The following ALK variants were observed in gnomAD, a reference collection of about 807,000 sequenced individuals.
ALK encodes the protein ALK tyrosine kinase receptor.
ALK carries 74 observed loss-of-function variants against 163.1 expected under a neutral mutation model. That is an observed-to-expected ratio of 0.45 (90% CI 0.38 to 0.55). ALK has a LOEUF of 0.55. Ranked by LOEUF, ALK falls within the 20% of genes least tolerant of loss-of-function variation. The pLI is 0.00. For missense variants in ALK, 2,063 were observed against 2,105.3 expected (o/e 0.98, Z 0.39); for synonymous variants, 960 against 843.2 (o/e 1.14, Z -2.40).
chr2:29,815,533 GT>G, intron 1 of ALK, among the ~76,000 whole-genome samples: 1 of 152,294 alleles, frequency 6.6e-6, no homozygotes, highest in African/African-American at 2.4e-5. Flanking sequence ...GGAAGGAGAA[GT>G]TCTTGTTTGG....
At chr2:29,197,828 TA>T (rs2148144032) in intron 26 of ALK, 152 bp from the exon 27 acceptor site, 1 of 722,598 alleles carries the variant, frequency 1.4e-6, no homozygotes, top group Non-Finnish European at 2.4e-6. Flanking sequence ...TAGAAAAATT[TA>T]AAAAATAAGA....
chr2:29,677,711 T>A (rs1198761221), intron 3 of ALK, among the ~76,000 whole-genome samples: 1 of 152,076 alleles, frequency 6.6e-6, no homozygotes, highest in Non-Finnish European at 1.5e-5. Context: ...TTTGCACCCA[T>A]CTTTTATGAG....
At chr2:29,493,876 C>G (rs1157305766) in intron 4 of ALK, among the ~76,000 whole-genome samples, 1 of 152,224 alleles carries the variant, frequency 6.6e-6, no homozygotes, top group South Asian at 2.1e-4. Context: ...AAGGCCAGGA[C>G]TGTCAGGATG....
intron 12 of ALK, among the ~76,000 whole-genome samples, chr2:29,247,454 G>A (rs1664709524): frequency 6.6e-6 from 1 of 152,244 alleles, no homozygotes; most frequent in South Asian, 2.1e-4. Flanking sequence ...GGCAGGGAAG[G>A]CAGGACATGG....
At chr2:29,517,479 G>T (rs944619428) in intron 4 of ALK, among the ~76,000 whole-genome samples, 24 of 152,118 alleles carry the variant, frequency 1.6e-4, no homozygotes, top group African/African-American at 5.6e-4. Context: ...CTATGAGGAC[G>T]TCCAGATTTC....
chr2:29,459,438 G>A (rs1197188179), intron 4 of ALK, among the ~76,000 whole-genome samples: 1 of 152,142 alleles, frequency 6.6e-6, no homozygotes, highest in Non-Finnish European at 1.5e-5. Context: ...CAGAGGTTGG[G>A]CTGGAGATTC....
chr2:29,225,370 G>T, intron 19 of ALK, 91 bp downstream of exon 19: 1 of 1,189,540 alleles, frequency 8.4e-7, no homozygotes, highest in Non-Finnish European at 1.2e-6. Flanking sequence ...GCATAACGAA[G>T]TGACACCTTG....
intron 22 of ALK, chr2:29,221,086 G>C: frequency 1.6e-6 from 1 of 624,134 alleles, no homozygotes; most frequent in Non-Finnish European, 3.1e-6. Context: ...TGAGGATGTT[G>C]CTCAGGCACT....
At chr2:29,540,905 G>A (rs549677299) in intron 3 of ALK, among the ~76,000 whole-genome samples, 15 of 152,014 alleles carry the variant, frequency 9.9e-5, no homozygotes, top group Admixed American at 6.6e-5. Flanking sequence ...CACAAAGTTC[G>A]TTTAAACACC....
intron 5 of ALK, among the ~76,000 whole-genome samples, chr2:29,360,237 C>A (rs916362887): frequency 1.3e-5 from 2 of 152,204 alleles, no homozygotes; most frequent in Admixed American, 6.5e-5. Flanking sequence ...GCACAGTTGG[C>A]CTTCCCAGTC....
At chr2:29,341,673 C>T in intron 5 of ALK, among the ~76,000 whole-genome samples, 1 of 152,226 alleles carries the variant, frequency 6.6e-6, no homozygotes, top group Non-Finnish European at 1.5e-5. Context: ...GCAAAACAGA[C>T]TCCAACCTAG....
intron 1 of ALK, among the ~76,000 whole-genome samples, chr2:29,780,929 G>T (rs2148350448): frequency 6.6e-6 from 1 of 152,320 alleles, no homozygotes; most frequent in Middle Eastern, 3.4e-3. Context: ...GAAAAGGTCA[G>T]GTAGGAATGG....
Position 29,222,421 on chromosome 2 carries a change from G to A in ALK, c.3451-13C>T, listed in dbSNP as rs1325483295. The A allele has an allele frequency of 6.2e-7, 1 of 1,613,966 alleles. No homozygotes were observed. The highest frequency in any genetic ancestry group is 1.3e-5 in the African/African-American group (1 of 74,910). ...CTTCAGGCAGCGTCTGGGCAGAGAA[G>A]GGGAGGGTGGGGAGGAGGAGGAGGC... On this transcript the variant is annotated splice_polypyrimidine_tract_variant and intron_variant, in intron 21 of 28. Transcript: ENST00000389048.
intron 3 of ALK, among the ~76,000 whole-genome samples, chr2:29,689,283 G>A (rs1185181102): frequency 6.6e-6 from 1 of 152,174 alleles, no homozygotes; most frequent in Non-Finnish European, 1.5e-5. Flanking sequence ...AGTCAGAGGT[G>A]AGACTCAGAG....
chr2:29,454,171 C>A (rs1312919674), intron 4 of ALK, among the ~76,000 whole-genome samples: 2 of 152,072 alleles, frequency 1.3e-5, no homozygotes, highest in Non-Finnish European at 2.9e-5. Context: ...CTTGGATGAC[C>A]TATAGAATTG....
rs1558509116 is a variant in ALK at position 29,831,266 on chromosome 2, GAAGAAGAAGAA to G, written c.667+88716_667+88726del. Among the ~76,000 whole-genome samples the G allele has an allele frequency of 5.9e-3, 530 of 89,600 alleles. 38 individuals carry two copies. Among genetic ancestry groups the G allele is most frequent in the Non-Finnish European group, 7.6e-3 (322 of 42,274 alleles). The allele number at this position is 89,600 out of a possible 152,430, so 58.8% of individuals were successfully genotyped here. On this transcript the variant is annotated intron_variant, in intron 1 of 28. Coordinates refer to ENST00000389048, the MANE Select transcript of ALK (RefSeq NM_004304.5). ...AGAAGAGGAAGAGGAAGAGGAAGAA[GAAGAAGAAGAA>G]GAAGAAGAAGAAGAAGAAGAAGAAG...
intron 1 of ALK, among the ~76,000 whole-genome samples, chr2:29,904,026 A>T (rs969583098): frequency 6.6e-6 from 1 of 152,166 alleles, no homozygotes; most frequent in African/African-American, 2.4e-5. Context: ...AAAAAGAATA[A>T]CTTGGTATAT....
At chr2:29,339,961 G>A (rs1365650889) in intron 5 of ALK, among the ~76,000 whole-genome samples, 16 of 152,202 alleles carry the variant, frequency 1.1e-4, no homozygotes, top group South Asian at 2.1e-4. Context: ...CGGGTTCTCC[G>A]AAGGAATTAA....
chr2:29,717,104 G>T (rs1409578232), intron 2 of ALK, among the ~76,000 whole-genome samples: 16 of 149,492 alleles, frequency 1.1e-4, no homozygotes, highest in African/African-American at 3.9e-4. Flanking sequence ...CCCAGGAGGC[G>T]GAGCTTGCAG....
Sources: allele counts gnomAD v4.1 joint callset (sites outside exome capture counted in the v4.1 genomes callset), GRCh38; gene constraint gnomAD v4.1.1; transcripts MANE v1.5; gene names NCBI Gene and HGNC (gene_info 2026-07-23, HGNC 2026-07-21).